Variants in CYFIP1 observed in about 807,000 individuals in gnomAD.
The protein encoded by CYFIP1 is cytoplasmic FMR1-interacting protein 1.
CYFIP1 carries 58 observed loss-of-function variants against 163.5 expected under a neutral mutation model. The ratio of observed to expected loss-of-function variants is 0.35; its 90% CI spans 0.29 to 0.44. The LOEUF (loss-of-function observed/expected upper bound fraction) is 0.44, where lower values mean the gene tolerates loss of function less well. Among genes scored for constraint, CYFIP1 ranks in the 20% least tolerant of loss-of-function variants. CYFIP1 has a pLI of 1.00. For synonymous variants in CYFIP1, 663 were observed against 660.7 expected (o/e 1.00, Z -0.05); for missense variants, 1,338 against 1,653.8 (o/e 0.81, Z 3.31).
rs1359719134 is a variant in CYFIP1, at chr15:22,903,919, G to A, written c.2389-14C>T. The A allele has an allele frequency of 1.9e-6, 3 of 1,612,634 alleles. No homozygotes were observed. The highest frequency in any genetic ancestry group is 2.5e-6 in the Non-Finnish European group (3 of 1,179,362). ...GCCATCCAGCTCCTGTGGCACCAAA[G>A]ACAGGGGTGGGTGACAGAGCTGGTC... On this transcript the variant is annotated splice_polypyrimidine_tract_variant and intron_variant, in intron 21 of 30. Transcript: ENST00000617928.
chr15:22,933,983 A>C, intron 9 of CYFIP1, 90 bp from the exon 10 acceptor site: 1 of 874,790 alleles, frequency 1.1e-6, no homozygotes, highest in East Asian at 2.5e-5. Flanking sequence ...GCTAATAATT[A>C]CTTCGGCTTG....
chr15:22,909,166 A>G (rs2060696249), intron 21 of CYFIP1, 28 bp downstream of exon 21: 1 of 1,612,840 alleles, frequency 6.2e-7, no homozygotes, highest in African/African-American at 1.3e-5. Flanking sequence ...AGTCCAATTT[A>G]TCAATAGGGC....
At chr15:22,971,938 T>A (rs113009913) in intron 1 of CYFIP1, among the ~76,000 whole-genome samples, 1 of 151,704 alleles carries the variant, frequency 6.6e-6, no homozygotes, top group Non-Finnish European at 1.5e-5. Flanking sequence ...ACAGGTTCAA[T>A]GCAATCTACA....
At chr15:22,881,818 A>G (rs1298470300) in intron 25 of CYFIP1, 28 bp downstream of exon 25, 1 of 1,599,658 alleles carries the variant, frequency 6.3e-7, no homozygotes. Flanking sequence ...CACAGACAGC[A>G]CTGTGAGCTC....
chr15:22,962,432 C>A (rs907787797), intron 1 of CYFIP1, among the ~76,000 whole-genome samples: 1 of 144,048 alleles, frequency 6.9e-6, no homozygotes, highest in East Asian at 2.0e-4. Flanking sequence ...GAGTTTTGCT[C>A]TTGTTGCCCA....
At chr15:22,935,793 T>TA (rs1379883350) in intron 9 of CYFIP1, among the ~76,000 whole-genome samples, 7 of 151,840 alleles carry the variant, frequency 4.6e-5, no homozygotes, top group Non-Finnish European at 8.8e-5. Flanking sequence ...CATCACAAAA[T>TA]AAAAAAAATG....
At chr15:22,979,146 C>CCT (rs2140298980) in intron 1 of CYFIP1, among the ~76,000 whole-genome samples, 1 of 152,260 alleles carries the variant, frequency 6.6e-6, no homozygotes, top group African/African-American at 2.4e-5. Context: ...CCCTACTGGC[C>CCT]CTACGAGTGC....
intron 10 of CYFIP1, 56 bp downstream of exon 10, chr15:22,933,746 C>G: frequency 2.3e-6 from 3 of 1,291,634 alleles, no homozygotes; most frequent in Non-Finnish European, 3.3e-6. Flanking sequence ...GTTTGAAAAC[C>G]GCACAATGAG....
chr15:22,892,792 A>G, intron 23 of CYFIP1, 98 bp downstream of exon 23: 1 of 824,678 alleles, frequency 1.2e-6, no homozygotes, highest in Non-Finnish European at 2.0e-6. Flanking sequence ...ACACAGCGTG[A>G]TACATTTAGG....
At chr15:22,967,914 T>C (rs1163530131) in intron 1 of CYFIP1, among the ~76,000 whole-genome samples, 6 of 151,934 alleles carry the variant, frequency 3.9e-5, no homozygotes, top group Non-Finnish European at 7.4e-5. Flanking sequence ...CACAGGCAGA[T>C]CACTTGAGGT....
At chr15:22,879,364 C>A (rs533177968) in intron 26 of CYFIP1, among the ~76,000 whole-genome samples, 7 of 152,140 alleles carry the variant, frequency 4.6e-5, no homozygotes, top group African/African-American at 1.7e-4. Flanking sequence ...GACAGCACCA[C>A]AAAAAGGCGG....
At chr15:22,950,877 G>A (rs759001946) in intron 1 of CYFIP1, among the ~76,000 whole-genome samples, 20 of 152,192 alleles carry the variant, frequency 1.3e-4, no homozygotes, top group Admixed American at 2.0e-4. Flanking sequence ...GCCATCTCAC[G>A]GCGGGCACCA....
chr15:22,934,071 T>C (rs1035540269), intron 9 of CYFIP1, among the ~76,000 whole-genome samples, 178 bp from the exon 10 acceptor site: 2 of 141,418 alleles, frequency 1.4e-5, no homozygotes, highest in African/African-American at 5.3e-5. Flanking sequence ...AGGAACAAAA[T>C]ACAATTTAAA....
chr15:22,972,174 G>A (rs1037250338), intron 1 of CYFIP1, among the ~76,000 whole-genome samples: 26 of 152,270 alleles, frequency 1.7e-4, no homozygotes, highest in African/African-American at 4.3e-4. Context: ...GGTGGCTCCC[G>A]CCTGTAATCC....
At chr15:22,893,987 G>A in intron 22 of CYFIP1, among the ~76,000 whole-genome samples, 2 of 152,246 alleles carry the variant, frequency 1.3e-5, no homozygotes, top group Middle Eastern at 6.8e-3. Flanking sequence ...ATCAGGAGGC[G>A]CTACGGTCAG....
At chr15:22,975,783 C>A (rs1014938663) in intron 1 of CYFIP1, among the ~76,000 whole-genome samples, 1 of 152,182 alleles carries the variant, frequency 6.6e-6, no homozygotes, top group Non-Finnish European at 1.5e-5. Context: ...CTCGGATTTT[C>A]AACTGCACAG....
intron 26 of CYFIP1, among the ~76,000 whole-genome samples, chr15:22,879,171 G>T (rs1028842097): frequency 4.6e-5 from 7 of 151,828 alleles, no homozygotes; most frequent in Non-Finnish European, 8.8e-5. Flanking sequence ...ATAGGCCGAA[G>T]AACTCAATGG....
chr15:22,876,894 C>G (rs79136908), intron 26 of CYFIP1, among the ~76,000 whole-genome samples: 9,059 of 151,970 alleles, frequency 0.06, 877 homozygotes, highest in African/African-American at 0.21. Context: ...CCAAAAAGGG[C>G]AGCTGGACAG....
Position 22,897,318 on chromosome 15 carries a change from A to G in CYFIP1, c.2589-4341T>C, listed in dbSNP as rs2060267758. ...AATCCAGAATGGCAAGAATAGGGAGAAAAAAAAAAGAGAGAGTGTTGAATG... is the reference window on the plus strand; with the variant it reads ...AATCCAGAATGGCAAGAATAGGGAGGAAAAAAAAAGAGAGAGTGTTGAATG... On this transcript the variant is annotated intron_variant, in intron 22 of 30. Transcript: ENST00000617928. Among the ~76,000 whole-genome samples, 7 of 149,630 alleles carry G rather than the reference A, an allele frequency of 4.7e-5. No individual in the cohort carries two copies. In the South Asian group the frequency reaches 1.5e-3, roughly 32 times the overall value.
Sources: gnomAD v4.1 joint callset for allele counts (sites outside exome capture counted in the v4.1 genomes callset) on GRCh38, gnomAD v4.1.1 for gene constraint, MANE v1.5 for transcripts, NCBI Gene and HGNC (gene_info 2026-07-23, HGNC 2026-07-21) for gene names.